The following ASTN2 variants were observed in gnomAD, a reference collection of about 807,000 sequenced individuals.
ASTN2 encodes astrotactin-2.
Under a neutral mutation model 139.8 loss-of-function variants are expected in ASTN2, and 54 were observed. The ratio of observed to expected loss-of-function variants is 0.39; its 90% CI spans 0.31 to 0.48. ASTN2 has a LOEUF of 0.48. ASTN2 is among the 20% of genes least tolerant of loss of function. The probability of loss-of-function intolerance (pLI) is 0.95; values close to 1 mark genes in which losing one functional copy is unlikely to be tolerated. For synonymous variants in ASTN2, 756 were observed against 719.5 expected, an observed-to-expected ratio of 1.05 and a Z score of -0.81; for missense variants, 1,565 against 1,725.1, an observed-to-expected ratio of 0.91 and a Z score of 1.64.
intron 19 of ASTN2, among the ~76,000 whole-genome samples, chr9:116,510,337 G>C (rs1370936971): frequency 6.6e-6 from 1 of 152,108 alleles, no homozygotes; most frequent in East Asian, 1.9e-4. Context: ...TATTATTTCT[G>C]AGGGCTCTGT....
chr9:116,718,972 G>GTATGTATATATATATATATATATATA (rs373217069), intron 16 of ASTN2, among the ~76,000 whole-genome samples: 1 of 100,052 alleles, frequency 1.0e-5, no homozygotes, highest in African/African-American at 3.8e-5. Flanking sequence ...ACCTGTATCT[G>GTATGTATATATATATATATATATATA]TACATATATA....
intron 3 of ASTN2, among the ~76,000 whole-genome samples, chr9:117,208,554 A>G (rs940267156): frequency 6.6e-6 from 1 of 152,162 alleles, no homozygotes; most frequent in African/African-American, 2.4e-5. Flanking sequence ...AGAACAAGTG[A>G]AAAGGTGATG....
intron 10 of ASTN2, among the ~76,000 whole-genome samples, chr9:116,942,476 C>T (rs1485025487): frequency 6.6e-6 from 1 of 152,130 alleles, no homozygotes; most frequent in African/African-American, 2.4e-5. Flanking sequence ...TGAGATAGCC[C>T]TCTGTAGGAT....
At chr9:116,974,597 C>T (rs1836294557) in intron 10 of ASTN2, among the ~76,000 whole-genome samples, 1 of 151,230 alleles carries the variant, frequency 6.6e-6, no homozygotes, top group Non-Finnish European at 1.5e-5. Context: ...CAACTTCCGC[C>T]TCCTGGGTTG....
intron 1 of ASTN2, among the ~76,000 whole-genome samples, chr9:117,349,463 T>C (rs1829323383): frequency 6.6e-6 from 1 of 152,166 alleles, no homozygotes; most frequent in African/African-American, 2.4e-5. Flanking sequence ...AGGAATCTAC[T>C]GTTAATGGGG....
chr9:117,170,332 T>A (rs972090575), intron 3 of ASTN2, among the ~76,000 whole-genome samples: 2 of 152,130 alleles, frequency 1.3e-5, no homozygotes, highest in African/African-American at 4.8e-5. Flanking sequence ...TTATATGACC[T>A]CAGTTGCAAT....
intron 4 of ASTN2, among the ~76,000 whole-genome samples, chr9:117,101,678 A>G (rs186738774): frequency 1.3e-4 from 20 of 152,334 alleles, no homozygotes; most frequent in Admixed American, 5.2e-4. Flanking sequence ...GGACAAATAA[A>G]TATTCAGAAT....
chr9:116,439,345 C>T lies in ASTN2; in HGVS notation c.3782+1264G>A, dbSNP rs1013623633. Among the ~76,000 whole-genome samples the T allele has an allele frequency of 1.3e-3, 185 of 143,012 alleles. 3 individuals are homozygous for T. Among genetic ancestry groups the T allele is most frequent in the Non-Finnish European group, 2.1e-3 (143 of 66,598 alleles). The allele number at this position is 143,012 out of a possible 152,430, so 93.8% of individuals were successfully genotyped here. ...CCTCCCGAGTAGCTGGGACTACAGG[C>T]GCCCGCCACTACGCCCGGCTAATTT... On this transcript the variant is annotated intron_variant, in intron 22 of 22. Coordinates refer to ENST00000313400, the MANE Select transcript of ASTN2 (RefSeq NM_001365068.1).
intron 3 of ASTN2, among the ~76,000 whole-genome samples, chr9:117,189,805 G>A (rs1294562980): frequency 1.3e-5 from 2 of 152,106 alleles, no homozygotes; most frequent in Admixed American, 6.5e-5. Flanking sequence ...CTGCCTGGCT[G>A]GTAAAACAAA....
chr9:116,514,198 T>C (rs1305017368), intron 19 of ASTN2, among the ~76,000 whole-genome samples: 2 of 150,746 alleles, frequency 1.3e-5, no homozygotes, highest in Non-Finnish European at 2.9e-5. Flanking sequence ...GTCCTTTCTG[T>C]TTGTTAGTTT....
intron 20 of ASTN2, among the ~76,000 whole-genome samples, chr9:116,454,433 CTT>C (rs1848265992): frequency 6.6e-6 from 1 of 151,904 alleles, no homozygotes; most frequent in Non-Finnish European, 1.5e-5. Flanking sequence ...AATAGGAACA[CTT>C]TTACACTGTT....
chr9:117,264,595 A>T (rs1833899995), intron 2 of ASTN2, among the ~76,000 whole-genome samples: 1 of 152,212 alleles, frequency 6.6e-6, no homozygotes, highest in African/African-American at 2.4e-5. Flanking sequence ...ACTTCCGAAT[A>T]TACAAGAGGA....
intron 19 of ASTN2, among the ~76,000 whole-genome samples, chr9:116,521,904 T>C (rs1041352266): frequency 1.3e-5 from 2 of 152,042 alleles, no homozygotes; most frequent in East Asian, 3.9e-4. Context: ...CCAACGAGCA[T>C]ATAAAAAATG....
chr9:116,577,810 T>C (rs1853781870), intron 19 of ASTN2, among the ~76,000 whole-genome samples: 1 of 152,170 alleles, frequency 6.6e-6, no homozygotes, highest in African/African-American at 2.4e-5. Flanking sequence ...ATTTAAATTA[T>C]CAATCCAATA....
chr9:116,953,195 A>T (rs572680258), intron 10 of ASTN2, among the ~76,000 whole-genome samples: 1 of 152,358 alleles, frequency 6.6e-6, no homozygotes, highest in Admixed American at 6.5e-5. Context: ...TCTTTGGCTT[A>T]ACTGAAAATA....
rs1413716857 is a variant in ASTN2 at position 116,642,278 on chromosome 9, T to C, written c.3072+9250A>G. Among the ~76,000 whole-genome samples the C allele has an allele frequency of 4.6e-5, 7 of 152,180 alleles. 1 individual carries two copies. Among genetic ancestry groups the C allele is most frequent in the African/African-American group, 1.7e-4 (7 of 41,528 alleles). On this transcript the variant is annotated intron_variant, in intron 17 of 22. Coordinates refer to ENST00000313400, the MANE Select transcript of ASTN2 (RefSeq NM_001365068.1). ...CCAGAACTCCACTCACTAGGCACTC[T>C]TGACCTCCCTTATTCTGCTGTACTT...
intron 11 of ASTN2, among the ~76,000 whole-genome samples, chr9:116,844,799 A>G (rs1832378774): frequency 6.6e-6 from 1 of 152,160 alleles, no homozygotes; most frequent in Admixed American, 6.5e-5. Context: ...TGAAATACCA[A>G]CAGGCCATTA....
At chr9:116,706,655 A>G (rs1827993796) in intron 16 of ASTN2, among the ~76,000 whole-genome samples, 1 of 151,884 alleles carries the variant, frequency 6.6e-6, no homozygotes, top group South Asian at 2.1e-4. Flanking sequence ...CCTCTGTGGG[A>G]TGACTAAACA....
At chr9:116,449,066 C>T (rs944376247) in intron 20 of ASTN2, among the ~76,000 whole-genome samples, 1 of 152,140 alleles carries the variant, frequency 6.6e-6, no homozygotes, top group Non-Finnish European at 1.5e-5. Flanking sequence ...TCCTTATGAC[C>T]TTAGGCAAGT....
Sources: gnomAD v4.1 joint callset for allele counts (sites outside exome capture counted in the v4.1 genomes callset) on GRCh38, gnomAD v4.1.1 for gene constraint, MANE v1.5 for transcripts, NCBI Gene and HGNC (gene_info 2026-07-23, HGNC 2026-07-21) for gene names.